The following CHST3 variants were observed in gnomAD, a reference collection of about 807,000 sequenced individuals.
CHST3 encodes the protein carbohydrate sulfotransferase 3.
A neutral mutation model predicts 35.4 loss-of-function variants in CHST3; 20 were observed. The ratio of observed to expected loss-of-function variants is 0.57; its 90% CI spans 0.40 to 0.82. CHST3 has a LOEUF of 0.82. Ranked by LOEUF, CHST3 falls within the 40% of genes least tolerant of loss-of-function variation. The pLI is 0.00. For synonymous variants in CHST3, 334 were observed against 295.9 expected, an observed-to-expected ratio of 1.13 and a Z score of -1.32; for missense variants, 693 against 670.1, an observed-to-expected ratio of 1.03 and a Z score of -0.38.
intron 1 of CHST3, among the ~76,000 whole-genome samples, chr10:71,985,413 G>A (rs1315270220): frequency 1.3e-5 from 2 of 152,182 alleles, no homozygotes; most frequent in Non-Finnish European, 2.9e-5. Context: ...ATGAGGAGTA[G>A]CATCCTCATT....
chr10:71,982,339 A>C (rs1280646980), intron 1 of CHST3, among the ~76,000 whole-genome samples: 2 of 152,266 alleles, frequency 1.3e-5, no homozygotes, highest in Non-Finnish European at 2.9e-5. Flanking sequence ...GATAGCCTCC[A>C]GAAGCTGGGA....
In CHST3 at chr10:72,012,204, C is replaced by T. The variant is rs1335039500; in HGVS notation, c.*3733C>T. On this transcript the variant is annotated 3_prime_UTR_variant, in exon 3 of 3. Coordinates refer to ENST00000373115, the MANE Select transcript of CHST3 (RefSeq NM_004273.5). ...ACCAGGCATCACACGACATCTTTCC[C>T]TCCCATCTCTGCCATCTGTCTGTCT... The T allele has an allele frequency of 2.0e-5, 3 of 152,266 alleles. No individual in the cohort carries two copies. Among genetic ancestry groups the T allele is most frequent in the African/African-American group, 4.8e-5 (2 of 41,446 alleles). The allele number at this position is 152,266 out of a possible 1,614,324, so 9.4% of individuals were successfully genotyped here. A position where few individuals can be genotyped will look rare whatever the true frequency, so the allele number is the denominator to read the frequency against.
chr10:71,967,301 G>A (rs1839641287), intron 1 of CHST3, among the ~76,000 whole-genome samples: 1 of 152,086 alleles, frequency 6.6e-6, no homozygotes, highest in African/African-American at 2.4e-5. Context: ...CGAGATGGGT[G>A]GTTTTTGATC....
intron 2 of CHST3, among the ~76,000 whole-genome samples, chr10:72,006,892 C>G (rs987168346): frequency 1.3e-5 from 2 of 152,220 alleles, no homozygotes; most frequent in Non-Finnish European, 2.9e-5. Context: ...AACTGTCCCC[C>G]CCAGATCCCC....
intron 1 of CHST3, among the ~76,000 whole-genome samples, chr10:71,975,728 C>T (rs949547029): frequency 6.6e-6 from 1 of 152,260 alleles, no homozygotes; most frequent in Non-Finnish European, 1.5e-5. Context: ...GCTTCCTTGG[C>T]CTGTCTGTGG....
chr10:71,966,190 G>A (rs144138566), intron 1 of CHST3, among the ~76,000 whole-genome samples: 3 of 152,240 alleles, frequency 2.0e-5, no homozygotes, highest in Non-Finnish European at 4.4e-5. Context: ...ATGGGAACAT[G>A]TAGAATTTGG....
intron 1 of CHST3, among the ~76,000 whole-genome samples, chr10:72,000,081 T>C (rs1429034658): frequency 6.6e-6 from 1 of 152,228 alleles, no homozygotes; most frequent in Non-Finnish European, 1.5e-5. Context: ...GCCCTCAGCA[T>C]GCACCTGTGG....
intron 1 of CHST3, among the ~76,000 whole-genome samples, chr10:71,984,365 G>A (rs1839827556): frequency 1.3e-5 from 2 of 152,220 alleles, no homozygotes; most frequent in Non-Finnish European, 2.9e-5. Flanking sequence ...CCCACGCTGT[G>A]GAGCGCACTT....
chr10:72,005,702 G>C (rs750166232), intron 1 of CHST3, 34 bp from the exon 2 acceptor site: 83 of 1,015,766 alleles, frequency 8.2e-5, no homozygotes, highest in Non-Finnish European at 1.2e-4. Flanking sequence ...CTCGTGTACA[G>C]ACAAGGGTGT....
chr10:71,971,756 C>T (rs902207707), intron 1 of CHST3, among the ~76,000 whole-genome samples: 3 of 152,240 alleles, frequency 2.0e-5, no homozygotes, highest in Non-Finnish European at 2.9e-5. Flanking sequence ...CCGCAGGTGC[C>T]TGGCTTTCCT....
At chr10:71,991,895 A>T (rs1322035045) in intron 1 of CHST3, among the ~76,000 whole-genome samples, 1 of 151,554 alleles carries the variant, frequency 6.6e-6, no homozygotes, top group African/African-American at 2.4e-5. Flanking sequence ...GATACATGCC[A>T]TTGCACTCCA....
In CHST3 at chr10:72,010,666, G is replaced by T. The variant is rs986290512; in HGVS notation, c.*2195G>T. On this transcript the variant is annotated 3_prime_UTR_variant, in exon 3 of 3. Transcript: ENST00000373115. The stretch of plus-strand genomic sequence containing the variant: ...TGGTTTTAGAGTCCAAGAGTAAGTT[G>T]TGCAGAGACATGGTTCTAATTTGGA... 3.9e-5 allele frequency: 6 copies of T among 152,208 alleles called. No homozygotes were observed. Among genetic ancestry groups the T allele is most frequent in the African/African-American group, 1.4e-4 (6 of 41,426 alleles). The allele number at this position is 152,208 out of a possible 1,614,324, so 9.4% of individuals were successfully genotyped here.
intron 1 of CHST3, among the ~76,000 whole-genome samples, chr10:71,989,804 G>C (rs1013036152): frequency 6.6e-6 from 1 of 152,166 alleles, no homozygotes; most frequent in South Asian, 2.1e-4. Context: ...GCATTTGCAT[G>C]GATCCAGTCC....
chr10:72,004,547 A>G (rs1840020727), intron 1 of CHST3, among the ~76,000 whole-genome samples: 1 of 152,116 alleles, frequency 6.6e-6, no homozygotes, highest in Admixed American at 6.5e-5. Flanking sequence ...ACGTATACAC[A>G]TGGTAAAATG....
Position 72,001,412 on chromosome 10 carries a change from G to A in CHST3, c.-107-4324G>A, listed in dbSNP as rs372699314. On this transcript the variant is annotated intron_variant, in intron 1 of 2. Transcript: ENST00000373115. ...TGGGCCCAAGCAGGGGATACCACCC[G>A]TTCCTTGGGCTGTTATGTAGTTGCT... Among the ~76,000 whole-genome samples the A allele has an allele frequency of 3.3e-5, 5 of 152,262 alleles. No individual in the cohort carries two copies. In the East Asian group the frequency reaches 5.8e-4, roughly 18 times the overall value.
chr10:71,970,648 C>T (rs771996497), intron 1 of CHST3, among the ~76,000 whole-genome samples: 32 of 152,210 alleles, frequency 2.1e-4, no homozygotes, highest in Non-Finnish European at 3.4e-4. Context: ...CTCAGCCCTG[C>T]TCCCTCTGAG....
In CHST3 at chr10:72,011,615, G is replaced by A. The variant is rs902658685; in HGVS notation, c.*3144G>A. ...GCCCACCTGCCCGGAGACAGAGGGA[G>A]CAGCTGAGGCCTCTCTCCACTGGCC... On this transcript the variant is annotated 3_prime_UTR_variant, in exon 3 of 3. Transcript: ENST00000373115. 6.6e-6 allele frequency: 1 copy of A among 152,300 alleles called. No individual in the cohort carries two copies. Among genetic ancestry groups the A allele is most frequent in the Non-Finnish European group, 1.5e-5 (1 of 68,104 alleles). The allele number at this position is 152,300 out of a possible 1,614,324, so 9.4% of individuals were successfully genotyped here. A position where few individuals can be genotyped will look rare whatever the true frequency, so the allele number is the denominator to read the frequency against.
chr10:72,000,072 C>T (rs1839977543), intron 1 of CHST3, among the ~76,000 whole-genome samples: 2 of 152,370 alleles, frequency 1.3e-5, no homozygotes, highest in South Asian at 2.1e-4. Flanking sequence ...CCAGCACACG[C>T]CCTCAGCATG....
intron 1 of CHST3, among the ~76,000 whole-genome samples, chr10:71,996,033 G>A (rs1396886776): frequency 1.3e-5 from 2 of 152,162 alleles, no homozygotes; most frequent in African/African-American, 2.4e-5. Flanking sequence ...TGTCCTGTTT[G>A]TATTCACAAA....
Sources: allele counts gnomAD v4.1 joint callset (sites outside exome capture counted in the v4.1 genomes callset), GRCh38; gene constraint gnomAD v4.1.1; transcripts MANE v1.5; gene names NCBI Gene and HGNC (gene_info 2026-07-23, HGNC 2026-07-21).